The following PTPN11 variants were observed in gnomAD, a reference collection of about 807,000 sequenced individuals.
PTPN11 encodes tyrosine-protein phosphatase non-receptor type 11.
Under a neutral mutation model 78.8 loss-of-function variants are expected in PTPN11, and 6 were observed. The ratio of observed to expected loss-of-function variants is 0.08; its 90% confidence interval spans 0.04 to 0.15. The LOEUF (loss-of-function observed/expected upper bound fraction) is 0.15, where lower values mean the gene tolerates loss of function less well. PTPN11 is among the 10% of genes least tolerant of loss of function. PTPN11 has a pLI of 1.00. For missense variants in PTPN11, 386 were observed against 744.8 expected (o/e 0.52, Z 5.61); for synonymous variants, 221 against 263.5 (o/e 0.84, Z 1.56).
chr12:112,464,089 C>T (rs1215877577), intron 6 of PTPN11, among the ~76,000 whole-genome samples: 1 of 152,228 alleles, frequency 6.6e-6, no homozygotes, highest in African/African-American at 2.4e-5. Context: ...TCACTTTCTT[C>T]TTACAGTGTG....
In PTPN11 at chr12:112,464,831, G is replaced by A. The variant is rs558569155; in HGVS notation, c.757-8113G>A. Among the ~76,000 whole-genome samples the A allele has an allele frequency of 7.9e-5, 12 of 152,198 alleles. No homozygotes were observed. The East Asian group carries it at 2.3e-3, about 29-fold the overall frequency. On this transcript the variant is annotated intron_variant, in intron 6 of 15. Transcript: ENST00000351677. ...AGTGCACTGCAGCCTTGAACTCCTG[G>A]GCTCAAGTGATCCTCCTGAGAGGCT... is the stretch of plus-strand genomic sequence containing the variant.
At chr12:112,460,669 C>T (rs762243141) in intron 6 of PTPN11, among the ~76,000 whole-genome samples, 4 of 152,048 alleles carry the variant, frequency 2.6e-5, no homozygotes, top group South Asian at 2.1e-4. Context: ...TGGTGAAACC[C>T]GGTCTCTACT....
rs2038707316 is a variant in PTPN11 at position 112,488,517 on chromosome 12, C to T, written c.1447+7C>T. The T allele has an allele frequency of 6.2e-7, 1 of 1,601,546 alleles. No individual in the cohort carries two copies. Among genetic ancestry groups the T allele is most frequent in the South Asian group, 1.1e-5 (1 of 90,818 alleles). The stretch of plus-strand genomic sequence containing the variant: ...GACATCATCAGAGAGAAAGGTGGGT[C>T]ATCTGGTGGGCAAGAAGCGACAGTT... On this transcript the variant is annotated splice_region_variant and intron_variant, in intron 12 of 15. Transcript: ENST00000351677.
intron 1 of PTPN11, among the ~76,000 whole-genome samples, chr12:112,435,716 A>G (rs976445224): frequency 6.8e-6 from 1 of 146,140 alleles, no homozygotes; most frequent in Admixed American, 7.0e-5. Context: ...TTAGAATTCT[A>G]TTTGAGTAAG....
intron 13 of PTPN11, among the ~76,000 whole-genome samples, chr12:112,501,111 A>G (rs919967024): frequency 2.0e-5 from 3 of 152,172 alleles, no homozygotes; most frequent in Non-Finnish European, 4.4e-5. Flanking sequence ...GGGCAATCCT[A>G]TAGTGAAGTC....
rs375232713 is a variant in PTPN11, at chr12:112,429,972, T to C, written c.14+10847T>C. 1.2e-4 allele frequency among the ~76,000 whole-genome samples: 18 copies of C among 152,316 alleles called. No individual in the cohort carries two copies. The South Asian group carries it at 3.7e-3, about 32-fold the overall frequency. On this transcript the variant is annotated intron_variant, in intron 1 of 15. Transcript: ENST00000351677. ...GCATGTGGCAAACATTCAGTAAGTATAGCTGTAATTTTAACCAGCTGTAAT... is the reference window on the plus strand; with the variant it reads ...GCATGTGGCAAACATTCAGTAAGTACAGCTGTAATTTTAACCAGCTGTAAT...
intron 1 of PTPN11, among the ~76,000 whole-genome samples, chr12:112,443,729 T>G (rs1052924751): frequency 6.6e-6 from 1 of 150,670 alleles, no homozygotes; most frequent in Non-Finnish European, 1.5e-5. Context: ...CTTGGCTCAC[T>G]GCAACCTGGA....
Position 112,488,467 on chromosome 12 carries a change from G to A in PTPN11, c.1404G>A (p.Thr468=), listed in dbSNP as rs587781130. The A allele has an allele frequency of 6.2e-6, 10 of 1,612,930 alleles. No homozygotes were observed. Among genetic ancestry groups the A allele is most frequent in the African/African-American group, 1.3e-5 (1 of 74,864 alleles). The change falls in exon 12 of 16, where the codon ACG becomes ACA. Residue 468 remains threonine (T), a synonymous_variant. Transcript: ENST00000351677. ...HCSAGIGRTG[T]FIVIDILIDI... ...GTGCTGGAATTGGCCGGACAGGGAC[G>A]TTCATTGTGATTGATATTCTTATTG... is the stretch of plus-strand genomic sequence containing the variant.
In PTPN11 at chr12:112,509,542, G is replaced by A. The variant is rs978315686; in HGVS notation, c.*3750G>A. 5 of 152,580 alleles carry A rather than the reference G, an allele frequency of 3.3e-5. No individual in the cohort carries two copies. The highest frequency in any genetic ancestry group is 2.4e-5 in the African/African-American group (1 of 41,434). The allele number at this position is 152,580 out of a possible 1,614,324, so 9.5% of individuals were successfully genotyped here. A position where few individuals can be genotyped will look rare whatever the true frequency, so the allele number is the denominator to read the frequency against. On this transcript the variant is annotated 3_prime_UTR_variant, in exon 16 of 16. Transcript: ENST00000351677. ...GAAGTATTGTACCAGAGTATTAAAA[G>A]ATATGTAATATTTTATTGATAAATC...
intron 13 of PTPN11, among the ~76,000 whole-genome samples, chr12:112,493,466 C>A (rs1017020469): frequency 6.7e-6 from 1 of 149,980 alleles, no homozygotes; most frequent in African/African-American, 2.5e-5. Flanking sequence ...CACACTGGAA[C>A]CTCTGCCTCC....
At chr12:112,419,460 A>G in intron 1 of PTPN11, among the ~76,000 whole-genome samples, 1 of 152,180 alleles carries the variant, frequency 6.6e-6, no homozygotes, top group Non-Finnish European at 1.5e-5. Context: ...CCATTGCCTC[A>G]TGAGAATTGC....
chr12:112,455,549 G>T (rs1445315706), intron 5 of PTPN11, among the ~76,000 whole-genome samples: 2 of 152,100 alleles, frequency 1.3e-5, no homozygotes, highest in Non-Finnish European at 2.9e-5. Context: ...GCTGTACAGA[G>T]TTTTAAAGCA....
At chr12:112,450,888 C>A (rs17822304) in intron 3 of PTPN11, among the ~76,000 whole-genome samples, 7,859 of 152,196 alleles carry the variant, frequency 0.052, 267 homozygotes, top group South Asian at 0.094. Flanking sequence ...TGGCTCTCGA[C>A]CAGTTATTCA....
intron 6 of PTPN11, among the ~76,000 whole-genome samples, chr12:112,466,771 TGA>T (rs919495313): frequency 2.6e-5 from 4 of 152,132 alleles, no homozygotes; most frequent in African/African-American, 7.2e-5. Context: ...GCCGTAATGG[TGA>T]GTGTCATTAT....
In PTPN11 at chr12:112,419,123, G is replaced by A. The variant is rs1214031315; in HGVS notation, c.12G>A (p.Arg4=). The A allele has an allele frequency of 1.3e-6, 2 of 1,523,560 alleles. No homozygotes were observed. The highest frequency in any genetic ancestry group is 2.0e-5 in the Admixed American group (1 of 49,540). 94.4% of individuals were successfully genotyped at this position (1,523,560 alleles called of 1,614,324 possible). A position where few individuals can be genotyped will look rare whatever the true frequency, so the allele number is the denominator to read the frequency against. MTS[R]RWFHPNITGV... ...AGGGCGGGAGGAACATGACATCGCG[G>A]AGGTGAGGAGCCCCGAGGGGCCCGG... is the stretch of plus-strand genomic sequence containing the variant. Residue 4 remains arginine (R), a splice_region_variant and synonymous_variant, in exon 1 of 16, where the codon CGG becomes CGA. Coordinates refer to ENST00000351677, the MANE Select transcript of PTPN11 (RefSeq NM_002834.5).
chr12:112,436,666 T>C (rs1025022248), intron 1 of PTPN11, among the ~76,000 whole-genome samples: 8 of 152,102 alleles, frequency 5.3e-5, no homozygotes, highest in African/African-American at 1.9e-4. Flanking sequence ...TGTCTGTTTT[T>C]CTGAGCCTTG....
At chr12:112,450,221 A>G in intron 2 of PTPN11, 97 bp from the exon 3 acceptor site, 1 of 1,172,548 alleles carries the variant, frequency 8.5e-7, no homozygotes, top group Non-Finnish European at 1.3e-6. Context: ...GTTTCTTTCA[A>G]CACTTAGGTA....
chr12:112,438,112 T>C (rs907539530), intron 1 of PTPN11, among the ~76,000 whole-genome samples: 15 of 152,170 alleles, frequency 9.9e-5, no homozygotes, highest in Non-Finnish European at 8.8e-5. Flanking sequence ...AGAGCAATTT[T>C]AGGCCTGCCA....
chr12:112,490,035 G>A (rs561161664), intron 13 of PTPN11, among the ~76,000 whole-genome samples: 3 of 152,238 alleles, frequency 2.0e-5, no homozygotes, highest in East Asian at 3.9e-4. Context: ...ACAGACATAC[G>A]GGATTGTTTT....
Sources: gnomAD v4.1 joint callset for allele counts (sites outside exome capture counted in the v4.1 genomes callset) on GRCh38, gnomAD v4.1.1 for gene constraint, MANE v1.5 for transcripts, NCBI Gene and HGNC (gene_info 2026-07-23, HGNC 2026-07-21) for gene names.